Variants in MPPED2 observed in about 807,000 individuals in gnomAD.
MPPED2 encodes the protein metallophosphoesterase domain containing 2, also known as metallophosphoesterase MPPED2.
Under a neutral mutation model 33.0 loss-of-function variants are expected in MPPED2, and 5 were observed. The observed-to-expected ratio is 0.15, with a 90% confidence interval of 0.08 to 0.32. MPPED2 has a LOEUF of 0.32. Among genes scored for constraint, MPPED2 ranks in the 10% least tolerant of loss-of-function variants. MPPED2 has a pLI of 1.00. For missense variants in MPPED2, 275 were observed against 372.1 expected (o/e 0.74, Z 2.15); for synonymous variants, 136 against 141.9 (o/e 0.96, Z 0.29).
intron 2 of MPPED2, among the ~76,000 whole-genome samples, chr11:30,570,788 A>G (rs1956654934): frequency 6.6e-6 from 1 of 152,218 alleles, no homozygotes; most frequent in Non-Finnish European, 1.5e-5. Context: ...AATATGTACA[A>G]GGTTTGAAAC....
intron 3 of MPPED2, among the ~76,000 whole-genome samples, chr11:30,514,632 A>G (rs939202311): frequency 6.6e-6 from 1 of 152,234 alleles, no homozygotes; most frequent in African/African-American, 2.4e-5. Flanking sequence ...TGTTTCAACC[A>G]AGCAAAGCTT....
At chr11:30,483,488 G>A (rs530655412) in intron 4 of MPPED2, among the ~76,000 whole-genome samples, 7 of 152,138 alleles carry the variant, frequency 4.6e-5, no homozygotes, top group African/African-American at 1.7e-4. Flanking sequence ...TAACACCAAA[G>A]GAAAAGAAGA....
At chr11:30,424,586 C>T (rs1306834560) in intron 4 of MPPED2, among the ~76,000 whole-genome samples, 5 of 152,116 alleles carry the variant, frequency 3.3e-5, no homozygotes, top group Non-Finnish European at 7.4e-5. Flanking sequence ...AAAGCTTCCC[C>T]GTCAGTTAGA....
At chr11:30,457,837 CAT>C (rs753114058) in intron 4 of MPPED2, among the ~76,000 whole-genome samples, 46 of 152,310 alleles carry the variant, frequency 3.0e-4, no homozygotes, top group Middle Eastern at 3.4e-3. Context: ...CAGCCAAACT[CAT>C]ACGTGAGTCT....
intron 5 of MPPED2, among the ~76,000 whole-genome samples, chr11:30,415,479 C>T (rs1948307483): frequency 6.6e-6 from 1 of 152,194 alleles, no homozygotes; most frequent in Admixed American, 6.5e-5. Context: ...AGTGAAGTCT[C>T]ACGGCACTGT....
intron 3 of MPPED2, among the ~76,000 whole-genome samples, chr11:30,517,054 A>G (rs1292421693): frequency 1.3e-5 from 2 of 152,224 alleles, no homozygotes; most frequent in African/African-American, 4.8e-5. Flanking sequence ...TATAATAGTC[A>G]GGACACGCCA....
chr11:30,449,800 C>A (rs1019628165), intron 4 of MPPED2, among the ~76,000 whole-genome samples: 1 of 152,112 alleles, frequency 6.6e-6, no homozygotes. Context: ...AAGTGAGGAG[C>A]CAGCACCAAG....
chr11:30,437,893 GC>G, intron 4 of MPPED2, among the ~76,000 whole-genome samples: 1 of 152,212 alleles, frequency 6.6e-6, no homozygotes, highest in Middle Eastern at 3.4e-3. Context: ...ACTGATAGCA[GC>G]CCAGGATGAG....
At chr11:30,563,398 T>C (rs12277347) in intron 2 of MPPED2, among the ~76,000 whole-genome samples, 7,160 of 152,238 alleles carry the variant, frequency 0.047, 252 homozygotes, top group African/African-American at 0.099. Context: ...CAGAATCTAA[T>C]GTCGCAGCTG....
In MPPED2 at chr11:30,411,511, T is replaced by C; in HGVS notation, c.842A>G (p.Asn281Ser). The change falls in exon 7 of 7, where the codon AAC (asparagine) becomes AGC (serine). Residue 281 changes from asparagine to serine, a missense_variant. Coordinates refer to ENST00000358117, the MANE Select transcript of MPPED2 (RefSeq NM_001584.3). The stretch of plus-strand genomic sequence containing the variant: ...TGGAAGGTCAAATATAATTGGAGGG[T>C]TGGTCGGTTGAAAGCTGACTGTACA... ...STCTVSFQPT[N>S]PPIIFDLPNP... The C allele has an allele frequency of 6.2e-7, 1 of 1,613,922 alleles. No homozygotes were observed. The highest frequency in any genetic ancestry group is 8.5e-7 in the Non-Finnish European group (1 of 1,179,862).
chr11:30,583,125 A>G (rs1590948111), intron 1 of MPPED2, among the ~76,000 whole-genome samples: 1 of 99,522 alleles, frequency 1.0e-5, no homozygotes, highest in African/African-American at 4.7e-5. Flanking sequence ...CACCTGGAAA[A>G]GACTTTTTCT....
At position 30,580,202 on chromosome 11, in the gene MPPED2, T is replaced by C. The variant is rs767121497; in HGVS notation, c.128+44A>G. The C allele has an allele frequency of 2.5e-6, 4 of 1,586,914 alleles. No individual in the cohort carries two copies. In the African/African-American group the frequency reaches 5.4e-5, roughly 22 times the overall value. ...AATGCTTTTCTTTTTTTTCTTTTTA[T>C]TTTCTTGATTGCTAATTTTGTTAAG... On this transcript the variant is annotated intron_variant, in intron 2 of 6. Coordinates refer to ENST00000358117, the MANE Select transcript of MPPED2 (RefSeq NM_001584.3).
In MPPED2 at chr11:30,538,985, T is replaced by C. The variant is rs551437258; in HGVS notation, c.129-2810A>G. ...ACTCTGTGAGATGGTACAACAAATA[T>C]CACCTGGAGCTCATAGGAAGAAGAC... On this transcript the variant is annotated intron_variant, in intron 2 of 6. Coordinates refer to ENST00000358117, the MANE Select transcript of MPPED2 (RefSeq NM_001584.3). Among the ~76,000 whole-genome samples the C allele has an allele frequency of 2.6e-5, 4 of 152,118 alleles. No homozygotes were observed. The South Asian group carries it at 8.3e-4, about 32-fold the overall frequency.
At chr11:30,459,821 T>G (rs950749140) in intron 4 of MPPED2, among the ~76,000 whole-genome samples, 35 of 152,198 alleles carry the variant, frequency 2.3e-4, no homozygotes, top group African/African-American at 7.5e-4. Flanking sequence ...GAACTGAACA[T>G]GTGTATTGTA....
At chr11:30,409,884 A>G (rs989739189), downstream of MPPED2, among the ~76,000 whole-genome samples, 27 of 152,180 alleles carry the variant, frequency 1.8e-4, no homozygotes, top group African/African-American at 6.3e-4. Context: ...TTACTCTGTC[A>G]TCAACGGTTT....
intron 4 of MPPED2, among the ~76,000 whole-genome samples, chr11:30,445,622 CT>C (rs1420672520): frequency 6.6e-6 from 1 of 152,218 alleles, no homozygotes; most frequent in East Asian, 1.9e-4. Context: ...CCCTTCACCC[CT>C]AGCCCCTGGC....
intron 4 of MPPED2, among the ~76,000 whole-genome samples, chr11:30,435,395 A>G (rs1949279286): frequency 6.6e-6 from 1 of 152,218 alleles, no homozygotes; most frequent in Admixed American, 6.5e-5. Context: ...GAAATTTCCA[A>G]AAGTCAGGTT....
At position 30,411,084 on chromosome 11, in the gene MPPED2, T is replaced by C; in HGVS notation, c.*384A>G. 1 of 988,406 alleles carries C rather than the reference T, an allele frequency of 1.0e-6. No homozygotes were observed. Among genetic ancestry groups the C allele is most frequent in the Non-Finnish European group, 1.2e-6 (1 of 831,616 alleles). 61.2% of individuals were successfully genotyped at this position (988,406 alleles called of 1,614,324 possible). On this transcript the variant is annotated 3_prime_UTR_variant, in exon 7 of 7. Coordinates refer to ENST00000358117, the MANE Select transcript of MPPED2 (RefSeq NM_001584.3). ...TATTTCAAACAATACTCTTAAACAG[T>C]TGTGCAAATCTGTGTTGGTTTTTAA...
At chr11:30,459,913 G>A (rs1437812474) in intron 4 of MPPED2, among the ~76,000 whole-genome samples, 1 of 152,190 alleles carries the variant, frequency 6.6e-6, no homozygotes, top group Non-Finnish European at 1.5e-5. Flanking sequence ...GAAAGGAAAT[G>A]GCTTGAACTA....
Sources: gnomAD v4.1 joint callset for allele counts (sites outside exome capture counted in the v4.1 genomes callset) on GRCh38, gnomAD v4.1.1 for gene constraint, MANE v1.5 for transcripts, NCBI Gene and HGNC (gene_info 2026-07-23, HGNC 2026-07-21) for gene names.